The following TTC23 variants were observed in gnomAD, a reference collection of about 807,000 sequenced individuals.
TTC23 encodes the protein tetratricopeptide repeat domain 23.
TTC23 carries 58 observed loss-of-function variants against 55.1 expected under a neutral mutation model. That is an observed-to-expected ratio of 1.05 (90% CI 0.85 to 1.31). The LOEUF is 1.31. Ranked by LOEUF, TTC23 falls within the 50% of genes most tolerant of loss-of-function variation. TTC23 has a pLI of 0.00. For synonymous variants in TTC23, 203 were observed against 199.9 expected (o/e 1.02, Z -0.13); for missense variants, 516 against 534.4 (o/e 0.97, Z 0.34).
intron 9 of TTC23, among the ~76,000 whole-genome samples, chr15:99,199,677 C>A (rs1216411675): frequency 6.6e-6 from 1 of 152,090 alleles, no homozygotes; most frequent in African/African-American, 2.4e-5. Context: ...ATAAAGCAAC[C>A]CCCTTTAGAG....
chr15:99,187,468 A>AG (rs2074813869), intron 9 of TTC23, among the ~76,000 whole-genome samples: 1 of 146,006 alleles, frequency 6.8e-6, no homozygotes, highest in Non-Finnish European at 1.5e-5. Context: ...AAAAAAAAAA[A>AG]CAAAACAAAA....
intron 5 of TTC23, among the ~76,000 whole-genome samples, chr15:99,226,140 A>G (rs2078391487): frequency 6.6e-6 from 1 of 152,260 alleles, no homozygotes; most frequent in South Asian, 2.1e-4. Context: ...AAGAGACATG[A>G]CAACTCTATT....
intron 5 of TTC23, among the ~76,000 whole-genome samples, chr15:99,222,873 C>T (rs907917464): frequency 3.3e-5 from 5 of 152,014 alleles, no homozygotes; most frequent in African/African-American, 1.2e-4. Flanking sequence ...GGCGGCCGCC[C>T]GTAGTCCCAG....
intron 4 of TTC23, among the ~76,000 whole-genome samples, chr15:99,233,892 T>C (rs181583557): frequency 6.6e-6 from 1 of 152,138 alleles, no homozygotes; most frequent in Non-Finnish European, 1.5e-5. Flanking sequence ...CATGAATAAC[T>C]GATTCCTGAC....
At chr15:99,199,829 G>C (rs1375683578) in intron 9 of TTC23, 90 bp downstream of exon 9, 2 of 1,319,182 alleles carry the variant, frequency 1.5e-6, no homozygotes, top group Non-Finnish European at 2.1e-6. Context: ...AAATGACAAA[G>C]CCAGGCATTT....
chr15:99,196,358 T>A (rs1236734732), intron 9 of TTC23, among the ~76,000 whole-genome samples: 3 of 152,106 alleles, frequency 2.0e-5, no homozygotes, highest in Non-Finnish European at 4.4e-5. Context: ...TTAATATGAA[T>A]CCATATGAAC....
intron 1 of TTC23, among the ~76,000 whole-genome samples, 178 bp from the exon 2 acceptor site, chr15:99,245,688 C>T (rs868670280): frequency 1.3e-5 from 2 of 151,504 alleles, no homozygotes; most frequent in Admixed American, 1.3e-4. Flanking sequence ...TGGATAGATA[C>T]ATGAAAAGAA....
At chr15:99,227,967 T>G (rs1037407041) in intron 5 of TTC23, among the ~76,000 whole-genome samples, 18 of 152,206 alleles carry the variant, frequency 1.2e-4, no homozygotes, top group African/African-American at 4.3e-4. Flanking sequence ...TCAACCTGAC[T>G]ACCATTATCT....
chr15:99,186,656 T>C (rs933461488), intron 9 of TTC23, among the ~76,000 whole-genome samples: 8 of 152,162 alleles, frequency 5.3e-5, no homozygotes, highest in Non-Finnish European at 1.2e-4. Flanking sequence ...CATATATTTC[T>C]ATACATGAAT....
At chr15:99,196,955 C>T (rs959146514) in intron 9 of TTC23, among the ~76,000 whole-genome samples, 2 of 152,162 alleles carry the variant, frequency 1.3e-5, no homozygotes, top group Admixed American at 6.5e-5. Context: ...ATGTGTCAAG[C>T]GTTTAACCTT....
chr15:99,214,398 C>T (rs1212869219), intron 8 of TTC23, among the ~76,000 whole-genome samples: 4 of 150,756 alleles, frequency 2.7e-5, no homozygotes, highest in Non-Finnish European at 5.9e-5. Context: ...GTCCCCACTA[C>T]TCGGGAGCTG....
chr15:99,222,327 T>G (rs567725508), intron 5 of TTC23, among the ~76,000 whole-genome samples: 2 of 151,760 alleles, frequency 1.3e-5, no homozygotes, highest in Non-Finnish European at 2.9e-5. Context: ...CAGGCTGGAG[T>G]ACAATGGCAC....
At chr15:99,184,187 T>C (rs1317827658) in intron 9 of TTC23, among the ~76,000 whole-genome samples, 1 of 152,158 alleles carries the variant, frequency 6.6e-6, no homozygotes, top group Admixed American at 6.5e-5. Flanking sequence ...GAACCTCTGC[T>C]AGGGCAGTGT....
intron 5 of TTC23, among the ~76,000 whole-genome samples, chr15:99,224,847 A>G (rs2078256984): frequency 6.6e-6 from 1 of 152,184 alleles, no homozygotes; most frequent in South Asian, 2.1e-4. Context: ...TCCTTGATTT[A>G]GTCCACATTT....
At position 99,161,797 on chromosome 15, in the gene TTC23, T is replaced by C; in HGVS notation, c.936A>G (p.Lys312=). Residue 312 remains lysine, a synonymous_variant, in exon 11 of 14, where the codon AAA becomes AAG. Coordinates refer to ENST00000394132, the MANE Select transcript of TTC23 (RefSeq NM_001288615.3). ...LKDSEGMGRT[K]FLSIQDEFCH... is the part of the protein sequence containing the mutation. ...AAAATTCATCTTGAATTGAAAGAAA[T>C]TTGGTTCTTCCCATCCCTTCAGAAT... is the stretch of plus-strand genomic sequence containing the variant. 2 of 1,613,704 alleles carry C rather than the reference T, an allele frequency of 1.2e-6. No individual in the cohort carries two copies. The highest frequency in any genetic ancestry group is 1.7e-5 in the Admixed American group (1 of 59,890).
intron 8 of TTC23, among the ~76,000 whole-genome samples, chr15:99,210,536 T>C (rs1385701826): frequency 2.6e-5 from 4 of 152,204 alleles, no homozygotes; most frequent in Admixed American, 2.6e-4. Context: ...GAAACATGTC[T>C]GCTGGAGAAG....
At chr15:99,226,917 T>C (rs563845980) in intron 5 of TTC23, among the ~76,000 whole-genome samples, 3 of 152,362 alleles carry the variant, frequency 2.0e-5, no homozygotes, top group Non-Finnish European at 4.4e-5. Flanking sequence ...GTATGCACCT[T>C]GTCTGTCCTG....
chr15:99,219,488 T>C (rs756070267), intron 6 of TTC23, among the ~76,000 whole-genome samples: 3 of 152,180 alleles, frequency 2.0e-5, no homozygotes, highest in Non-Finnish European at 4.4e-5. Flanking sequence ...CCTATAATCA[T>C]AATGTCAGAG....
chr15:99,226,944 G>A (rs2078494625), intron 5 of TTC23, among the ~76,000 whole-genome samples: 1 of 152,240 alleles, frequency 6.6e-6, no homozygotes, highest in Admixed American at 6.5e-5. Flanking sequence ...ATTGTATGCT[G>A]GATTCTTCAC....
Sources: allele counts gnomAD v4.1 joint callset (sites outside exome capture counted in the v4.1 genomes callset), GRCh38; gene constraint gnomAD v4.1.1; transcripts MANE v1.5; gene names NCBI Gene and HGNC (gene_info 2026-07-23, HGNC 2026-07-21).